Variants in CNTNAP2 observed in about 807,000 individuals in gnomAD.
CNTNAP2 encodes the protein contactin associated protein 2.
In CNTNAP2, 98 loss-of-function variants were observed where a neutral mutation model predicts 155.2. The ratio of observed to expected loss-of-function variants is 0.63; its 90% CI spans 0.54 to 0.75. The LOEUF is 0.75. Ranked by LOEUF, CNTNAP2 falls within the 30% of genes least tolerant of loss-of-function variation. CNTNAP2 has a pLI of 0.00. For synonymous variants in CNTNAP2, 651 were observed against 631.2 expected, an observed-to-expected ratio of 1.03 and a Z score of -0.47; for missense variants, 1,727 against 1,688.1, an observed-to-expected ratio of 1.02 and a Z score of -0.40.
chr7:146,398,516 A>G (rs957875584), intron 1 of CNTNAP2, among the ~76,000 whole-genome samples: 1 of 152,166 alleles, frequency 6.6e-6, no homozygotes, highest in Non-Finnish European at 1.5e-5. Flanking sequence ...CTACAATTCA[A>G]TATGAGATTC....
At chr7:148,386,704 G>A (rs1742320093) in intron 22 of CNTNAP2, among the ~76,000 whole-genome samples, 1 of 152,066 alleles carries the variant, frequency 6.6e-6, no homozygotes, top group Non-Finnish European at 1.5e-5. Context: ...GTGTCAGGGA[G>A]GAAAAACTTT....
chr7:147,729,951 G>A (rs1796711315), intron 13 of CNTNAP2, among the ~76,000 whole-genome samples: 1 of 151,996 alleles, frequency 6.6e-6, no homozygotes, highest in African/African-American at 2.4e-5. Flanking sequence ...GATCTCCACT[G>A]GATTTAAGTA....
intron 8 of CNTNAP2, among the ~76,000 whole-genome samples, chr7:147,263,290 A>G (rs1290222109): frequency 6.6e-6 from 1 of 151,966 alleles, no homozygotes; most frequent in African/African-American, 2.4e-5. Context: ...CAGCCCGGGA[A>G]GCAGAGGTTG....
chr7:146,334,834 T>C (rs561413073), intron 1 of CNTNAP2, among the ~76,000 whole-genome samples: 2 of 152,242 alleles, frequency 1.3e-5, no homozygotes, highest in Non-Finnish European at 2.9e-5. Flanking sequence ...ACTTCAGTTA[T>C]CAGTATTATT....
At chr7:147,660,057 C>T (rs1034604402) in intron 13 of CNTNAP2, among the ~76,000 whole-genome samples, 6 of 152,118 alleles carry the variant, frequency 3.9e-5, no homozygotes, top group African/African-American at 1.4e-4. Context: ...CTATGCCACT[C>T]GTGTGAAAAA....
intron 9 of CNTNAP2, among the ~76,000 whole-genome samples, chr7:147,368,558 C>T (rs1474642109): frequency 1.3e-5 from 2 of 152,116 alleles, no homozygotes; most frequent in South Asian, 2.1e-4. Flanking sequence ...GGTTCCTGTC[C>T]TTTTCCTCTG....
At chr7:147,424,958 C>T (rs1353229164) in intron 10 of CNTNAP2, among the ~76,000 whole-genome samples, 1 of 152,082 alleles carries the variant, frequency 6.6e-6, no homozygotes, top group Non-Finnish European at 1.5e-5. Context: ...ATTGTATCCA[C>T]TTCTAGGCCA....
intron 1 of CNTNAP2, among the ~76,000 whole-genome samples, chr7:146,684,080 A>G (rs1563187430): frequency 7.9e-5 from 12 of 152,196 alleles, no homozygotes; most frequent in Admixed American, 7.9e-4. Flanking sequence ...CCAGAGGATA[A>G]CAGGAGAGTC....
intron 14 of CNTNAP2, among the ~76,000 whole-genome samples, chr7:147,943,174 T>A (rs985286773): frequency 4.6e-5 from 7 of 152,130 alleles, no homozygotes; most frequent in African/African-American, 1.4e-4. Flanking sequence ...GGGCTGTAAA[T>A]ACAGTAGGAC....
At chr7:148,132,859 T>C (rs1804862096) in intron 16 of CNTNAP2, among the ~76,000 whole-genome samples, 1 of 152,222 alleles carries the variant, frequency 6.6e-6, no homozygotes, top group Non-Finnish European at 1.5e-5. Flanking sequence ...GCCACTTCTC[T>C]CCACTCTGAA....
intron 2 of CNTNAP2, among the ~76,000 whole-genome samples, chr7:146,820,998 C>T (rs1342190733): frequency 6.6e-6 from 1 of 151,858 alleles, no homozygotes; most frequent in Non-Finnish European, 1.5e-5. Flanking sequence ...CCTGCCTTTT[C>T]TTGTTTTCCA....
intron 3 of CNTNAP2, among the ~76,000 whole-genome samples, chr7:147,013,191 T>C (rs767649571): frequency 6.6e-6 from 1 of 152,130 alleles, no homozygotes; most frequent in Non-Finnish European, 1.5e-5. Flanking sequence ...TTTGAATAGA[T>C]TCAAATAGAT....
At chr7:147,077,219 T>C (rs1300983907) in intron 4 of CNTNAP2, among the ~76,000 whole-genome samples, 2 of 152,176 alleles carry the variant, frequency 1.3e-5, no homozygotes, top group African/African-American at 4.8e-5. Flanking sequence ...AAAACAAATT[T>C]ATTATTTAAA....
intron 13 of CNTNAP2, among the ~76,000 whole-genome samples, chr7:147,747,428 A>G (rs748685690): frequency 6.6e-5 from 10 of 152,124 alleles, no homozygotes; most frequent in Admixed American, 1.3e-4. Context: ...TTGTATTTCT[A>G]TTCTTTTTTT....
At chr7:147,654,305 A>G (rs2116944502) in intron 13 of CNTNAP2, among the ~76,000 whole-genome samples, 1 of 152,358 alleles carries the variant, frequency 6.6e-6, no homozygotes, top group South Asian at 2.1e-4. Flanking sequence ...ATGTTCTAAA[A>G]TAATTGTTTA....
intron 21 of CNTNAP2, among the ~76,000 whole-genome samples, chr7:148,326,667 C>T (rs1797894158): frequency 6.6e-6 from 1 of 151,780 alleles, no homozygotes. Flanking sequence ...GAGATCGAGA[C>T]CATCTTGGCC....
intron 1 of CNTNAP2, among the ~76,000 whole-genome samples, chr7:146,541,487 A>G (rs1042457680): frequency 9.2e-5 from 14 of 152,040 alleles, no homozygotes; most frequent in African/African-American, 2.9e-4. Flanking sequence ...AAGATGAGTC[A>G]TATGACAGTA....
intron 8 of CNTNAP2, among the ~76,000 whole-genome samples, chr7:147,213,135 A>T (rs1485512602): frequency 6.6e-6 from 1 of 152,146 alleles, no homozygotes; most frequent in Non-Finnish European, 1.5e-5. Context: ...AAATTGAAAA[A>T]TGAGAAAAGC....
chr7:146,451,871 G>A (rs13310701), intron 1 of CNTNAP2, among the ~76,000 whole-genome samples: 4,452 of 64,190 alleles, frequency 0.069, 329 homozygotes, highest in African/African-American at 0.35. Context: ...ATATATATAC[G>A]TATATATACA....
Sources: gnomAD v4.1 joint callset for allele counts (sites outside exome capture counted in the v4.1 genomes callset) on GRCh38, gnomAD v4.1.1 for gene constraint, MANE v1.5 for transcripts, NCBI Gene and HGNC (gene_info 2026-07-23, HGNC 2026-07-21) for gene names.